Variants in ZMYM4 observed in about 807,000 individuals in gnomAD.
ZMYM4 encodes zinc finger MYM-type protein 4.
Under a neutral mutation model 183.2 loss-of-function variants are expected in ZMYM4, and 31 were observed. The ratio of observed to expected loss-of-function variants is 0.17; its 90% CI spans 0.13 to 0.23. The LOEUF (loss-of-function observed/expected upper bound fraction) is 0.23, where lower values mean the gene tolerates loss of function less well. ZMYM4 is among the 10% of genes least tolerant of loss of function. The probability of loss-of-function intolerance (pLI) is 1.00; values close to 1 mark genes in which losing one functional copy is unlikely to be tolerated. For synonymous variants in ZMYM4, 592 were observed against 631.2 expected, an observed-to-expected ratio of 0.94 and a Z score of 0.93; for missense variants, 1,273 against 1,840.3, an observed-to-expected ratio of 0.69 and a Z score of 5.64.
intron 25 of ZMYM4, among the ~76,000 whole-genome samples, chr1:35,406,803 T>A (rs1439935649): frequency 6.6e-6 from 1 of 152,204 alleles, no homozygotes; most frequent in East Asian, 1.9e-4. Flanking sequence ...TAATCTTATC[T>A]CAGTGCAGAA....
At chr1:35,279,290 G>T (rs1640026493) in intron 1 of ZMYM4, among the ~76,000 whole-genome samples, 1 of 152,218 alleles carries the variant, frequency 6.6e-6, no homozygotes, top group South Asian at 2.1e-4. Flanking sequence ...AGTACAGGCT[G>T]ACAGCATTTT....
intron 2 of ZMYM4, among the ~76,000 whole-genome samples, chr1:35,341,880 A>G (rs1003618043): frequency 6.6e-6 from 1 of 152,138 alleles, no homozygotes; most frequent in African/African-American, 2.4e-5. Flanking sequence ...ATATGTTCCC[A>G]TTCTACCTTG....
At chr1:35,281,664 A>G (rs971608425) in intron 1 of ZMYM4, among the ~76,000 whole-genome samples, 3 of 2,022 alleles carry the variant, frequency 1.5e-3, no homozygotes, top group Non-Finnish European at 3.3e-3. Flanking sequence ...TATAATAAAT[A>G]TATATATATA....
At position 35,387,133 on chromosome 1, in the gene ZMYM4, C is replaced by T. The variant is rs754729298; in HGVS notation, c.1967C>T (p.Thr656Ile). 11 of 1,614,126 alleles carry T rather than the reference C, an allele frequency of 6.8e-6. No individual in the cohort carries two copies. In the East Asian group the frequency reaches 2.5e-4, roughly 36 times the overall value. Reference sequence around the variant, plus strand: ...GGTAGCACATCTGCTGTTTCTCCCACCTCCATCAGTAGCTCTGCTGCAGCT... The same window carrying T: ...GGTAGCACATCTGCTGTTTCTCCCATCTCCATCAGTAGCTCTGCTGCAGCT... ...GGGSTSAVSP[T>I]SISSSAAAGL... is the part of the protein sequence containing the mutation. Residue 656 changes from threonine (T) to isoleucine (I), a missense_variant, in exon 12 of 30, where the codon ACC becomes ATC. Physicochemically the swap from Thr to Ile is moderately conservative, Grantham distance 89 (BLOSUM62 -1). Transcript: ENST00000314607.
intron 9 of ZMYM4, 121 bp from the exon 10 acceptor site, chr1:35,385,321 C>G: frequency 9.1e-7 from 1 of 1,100,200 alleles, no homozygotes; most frequent in Non-Finnish European, 1.3e-6. Flanking sequence ...GGATTACAAT[C>G]ATAAAAGTTT....
Position 35,381,578 on chromosome 1 carries a change from C to T in ZMYM4, c.1389C>T (p.Val463=). The T allele has an allele frequency of 6.8e-6, 11 of 1,614,162 alleles. No homozygotes were observed. Among genetic ancestry groups the T allele is most frequent in the Non-Finnish European group, 9.3e-6 (11 of 1,180,032 alleles). ...ATGAAGTTAATTACCAGAATGTGGTCCATAAACTTTGCAGTGATGCCTGCT... is the reference window on the plus strand; with the variant it reads ...ATGAAGTTAATTACCAGAATGTGGTTCATAAACTTTGCAGTGATGCCTGCT... The part of the protein sequence containing the change: ...IRHEVNYQNV[V]HKLCSDACFS... The change falls in exon 9 of 30, where the codon GTC becomes GTT. Residue 463 remains valine, a synonymous_variant. Coordinates refer to ENST00000314607, the MANE Select transcript of ZMYM4 (RefSeq NM_005095.3).
At chr1:35,402,274 A>G (rs936778154) in intron 23 of ZMYM4, among the ~76,000 whole-genome samples, 8 of 152,180 alleles carry the variant, frequency 5.3e-5, no homozygotes, top group African/African-American at 7.2e-5. Flanking sequence ...AGTTTATTTC[A>G]TAAGTATTTA....
chr1:35,404,543 T>C (rs1456951769), intron 23 of ZMYM4, among the ~76,000 whole-genome samples: 3 of 152,366 alleles, frequency 2.0e-5, no homozygotes, highest in East Asian at 1.9e-4. Context: ...TGTGATTGCA[T>C]GTGTCCTTTC....
At chr1:35,352,271 A>ACGCGCGCG (rs1482344947) in intron 2 of ZMYM4, among the ~76,000 whole-genome samples, 1 of 4,242 alleles carries the variant, frequency 2.4e-4, no homozygotes, top group South Asian at 2.7e-3. Context: ...GCGCGCGCGC[A>ACGCGCGCG]CACACACACA....
At chr1:35,286,103 A>G (rs189834629) in intron 1 of ZMYM4, among the ~76,000 whole-genome samples, 20 of 152,300 alleles carry the variant, frequency 1.3e-4, no homozygotes, top group South Asian at 2.1e-4. Flanking sequence ...AAGTAAAACT[A>G]TCTCTATTTA....
intron 1 of ZMYM4, among the ~76,000 whole-genome samples, chr1:35,311,416 C>CTT (rs1277847531): frequency 6.9e-6 from 1 of 144,208 alleles, no homozygotes; most frequent in African/African-American, 2.6e-5. Context: ...GAGCAAAACT[C>CTT]TGTCTCAAAA....
chr1:35,398,361 T>C, intron 20 of ZMYM4, 52 bp from the exon 21 acceptor site: 1 of 1,486,342 alleles, frequency 6.7e-7, no homozygotes, highest in Non-Finnish European at 9.3e-7. Flanking sequence ...TCATTTGAGA[T>C]ATAATTTGTT....
intron 5 of ZMYM4, among the ~76,000 whole-genome samples, chr1:35,365,197 C>T (rs1171086721): frequency 6.6e-6 from 1 of 150,570 alleles, no homozygotes; most frequent in African/African-American, 2.4e-5. Flanking sequence ...TACTCAAGCC[C>T]TCATGGCCAG....
intron 2 of ZMYM4, among the ~76,000 whole-genome samples, chr1:35,356,372 C>CT (rs1304075452): frequency 3.9e-5 from 6 of 152,146 alleles, no homozygotes; most frequent in Non-Finnish European, 7.3e-5. Context: ...AGAGCACATG[C>CT]TATGTGGTCA....
At chr1:35,385,324 A>T in intron 9 of ZMYM4, 118 bp from the exon 10 acceptor site, 2 of 1,130,860 alleles carry the variant, frequency 1.8e-6, no homozygotes, top group South Asian at 1.6e-5. Context: ...TTACAATCAT[A>T]AAAGTTTGAA....
chr1:35,315,224 CAAA>C (rs1222454084), intron 1 of ZMYM4, among the ~76,000 whole-genome samples: 2 of 151,928 alleles, frequency 1.3e-5, no homozygotes, highest in Non-Finnish European at 2.9e-5. Flanking sequence ...ATTTAACACT[CAAA>C]AGATACGTTT....
intron 2 of ZMYM4, among the ~76,000 whole-genome samples, chr1:35,355,964 A>G (rs1160839690): frequency 1.3e-5 from 2 of 152,168 alleles, no homozygotes; most frequent in African/African-American, 2.4e-5. Context: ...GCAGTGGCTC[A>G]TGTCTGTAAT....
At chr1:35,352,717 A>C (rs1348320234) in intron 2 of ZMYM4, among the ~76,000 whole-genome samples, 1 of 151,856 alleles carries the variant, frequency 6.6e-6, no homozygotes, top group Admixed American at 6.6e-5. Context: ...CAGTCTCCTC[A>C]TTTTTCTCCT....
intron 1 of ZMYM4, among the ~76,000 whole-genome samples, chr1:35,307,688 C>G (rs1047408735): frequency 6.6e-5 from 10 of 151,200 alleles, no homozygotes. Context: ...GTGCCCGCCA[C>G]CACGCCCGGC....
Sources: allele counts gnomAD v4.1 joint callset (sites outside exome capture counted in the v4.1 genomes callset), GRCh38; gene constraint gnomAD v4.1.1; transcripts MANE v1.5; gene names NCBI Gene and HGNC (gene_info 2026-07-23, HGNC 2026-07-21).